The following AOAH variants were observed in gnomAD, a reference collection of about 807,000 sequenced individuals.
AOAH encodes acyloxyacyl hydrolase (neutrophil).
Under a neutral mutation model 92.2 loss-of-function variants are expected in AOAH, and 64 were observed. The observed-to-expected ratio is 0.69, with a 90% CI of 0.57 to 0.86. The LOEUF is 0.86. Among genes scored for constraint, AOAH ranks in the 40% least tolerant of loss-of-function variants. The pLI, the probability that AOAH is intolerant of heterozygous loss-of-function variation, is 0.00. For missense variants in AOAH, 656 were observed against 694.6 expected (o/e 0.94, Z 0.62); for synonymous variants, 263 against 254.5 (o/e 1.03, Z -0.32).
intron 6 of AOAH, among the ~76,000 whole-genome samples, chr7:36,628,281 T>C (rs1792819995): frequency 6.6e-6 from 1 of 152,166 alleles, no homozygotes; most frequent in South Asian, 2.1e-4. Context: ...AAAGAATAGA[T>C]TTTTAAAAAG....
intron 1 of AOAH, among the ~76,000 whole-genome samples, chr7:36,688,902 C>T (rs1797214473): frequency 6.6e-6 from 1 of 151,724 alleles, no homozygotes; most frequent in African/African-American, 2.4e-5. Context: ...TGTGTATATA[C>T]ACATGTATAT....
At chr7:36,542,335 T>C (rs766463925) in intron 15 of AOAH, among the ~76,000 whole-genome samples, 2 of 152,222 alleles carry the variant, frequency 1.3e-5, no homozygotes, top group African/African-American at 4.8e-5. Context: ...ACTTTAAGCA[T>C]CCAGAACTGA....
chr7:36,525,739 T>C (rs1784365930), intron 19 of AOAH, among the ~76,000 whole-genome samples: 1 of 152,208 alleles, frequency 6.6e-6, no homozygotes, highest in African/African-American at 2.4e-5. Context: ...ATAATGCATA[T>C]ATTCCAAAAT....
At chr7:36,653,683 A>T (rs1055462430) in intron 4 of AOAH, among the ~76,000 whole-genome samples, 1 of 152,246 alleles carries the variant, frequency 6.6e-6, no homozygotes, top group African/African-American at 2.4e-5. Context: ...CAGGGAAATA[A>T]GGAGAACCTC....
At chr7:36,689,925 C>T (rs1203790079) in intron 1 of AOAH, among the ~76,000 whole-genome samples, 3 of 152,158 alleles carry the variant, frequency 2.0e-5, no homozygotes, top group Non-Finnish European at 4.4e-5. Flanking sequence ...CCTTGGAATT[C>T]GTCCTTGAGG....
intron 1 of AOAH, among the ~76,000 whole-genome samples, chr7:36,696,773 T>C (rs1367614224): frequency 3.9e-5 from 6 of 151,944 alleles, no homozygotes; most frequent in Non-Finnish European, 8.8e-5. Flanking sequence ...GGCAGGAGAA[T>C]TGCTTGAGCC....
At position 36,514,746 on chromosome 7, in the gene AOAH, G is replaced by A. The variant is rs186682631; in HGVS notation, c.1600-1366C>T. The A allele has an allele frequency of 1.1e-5, 7 of 612,374 alleles. No individual in the cohort carries two copies. The East Asian group carries it at 1.7e-4, about 15-fold the overall frequency. The allele number at this position is 612,374 out of a possible 1,614,324, so 37.9% of individuals were successfully genotyped here. ...ATACATTGTTCGGGAAGGATGCTCAGGGATATCCCTGACTTTTCCCCACAG... is the reference window on the plus strand; with the variant it reads ...ATACATTGTTCGGGAAGGATGCTCAAGGATATCCCTGACTTTTCCCCACAG... On this transcript the variant is annotated intron_variant, in intron 20 of 20. Coordinates refer to ENST00000617537, the MANE Select transcript of AOAH (RefSeq NM_001637.4).
chr7:36,564,227 G>T (rs759008785), intron 13 of AOAH, among the ~76,000 whole-genome samples: 1 of 151,964 alleles, frequency 6.6e-6, no homozygotes, highest in African/African-American at 2.4e-5. Flanking sequence ...ATTTTAACTC[G>T]TATGTAAAGT....
intron 11 of AOAH, among the ~76,000 whole-genome samples, chr7:36,598,766 T>C (rs2718178): frequency 2.0e-5 from 3 of 152,202 alleles, no homozygotes; most frequent in African/African-American, 7.2e-5. Flanking sequence ...AAATGTTTTA[T>C]AGACCCTAGC....
intron 11 of AOAH, among the ~76,000 whole-genome samples, chr7:36,609,654 T>C (rs1399028317): frequency 1.3e-5 from 2 of 152,144 alleles, no homozygotes; most frequent in Non-Finnish European, 2.9e-5. Flanking sequence ...ACAGTGTCTC[T>C]CCCTTCAGGC....
intron 20 of AOAH, among the ~76,000 whole-genome samples, chr7:36,515,702 CA>C (rs1237979609): frequency 4.5e-5 from 5 of 110,446 alleles, no homozygotes; most frequent in Admixed American, 9.2e-5. Context: ...CATAATCACA[CA>C]CCCCCCCACA....
At chr7:36,608,194 C>T (rs1390535754) in intron 11 of AOAH, among the ~76,000 whole-genome samples, 1 of 152,232 alleles carries the variant, frequency 6.6e-6, no homozygotes, top group African/African-American at 2.4e-5. Flanking sequence ...TGGGCTCAGT[C>T]TCTGCAGACC....
intron 13 of AOAH, among the ~76,000 whole-genome samples, chr7:36,565,318 C>A (rs141005520): frequency 2.0e-5 from 3 of 152,028 alleles, no homozygotes; most frequent in African/African-American, 7.2e-5. Flanking sequence ...TGGGTTGAAA[C>A]CAAATACTCA....
At chr7:36,588,276 AC>A (rs1306324565) in intron 12 of AOAH, among the ~76,000 whole-genome samples, 1 of 152,216 alleles carries the variant, frequency 6.6e-6, no homozygotes, top group African/African-American at 2.4e-5. Flanking sequence ...TACCATCTGT[AC>A]CAATGGCTAC....
chr7:36,585,159 A>G (rs1002720257), intron 12 of AOAH, among the ~76,000 whole-genome samples: 1 of 151,946 alleles, frequency 6.6e-6, no homozygotes, highest in Non-Finnish European at 1.5e-5. Context: ...TAAAAAAGAA[A>G]TGTAGCTGAA....
rs140398969 is a variant in AOAH, at chr7:36,586,347, G to A, written c.938+7992C>T. Among the ~76,000 whole-genome samples, 178 of 152,198 alleles carry A rather than the reference G, an allele frequency of 1.2e-3. 2 individuals carry two copies. Among genetic ancestry groups the A allele is most frequent in the African/African-American group, 4.1e-3 (171 of 41,524 alleles). On this transcript the variant is annotated intron_variant, in intron 12 of 20. Transcript: ENST00000617537. ...AGCTTCGCCCCACTGAAATGTTTCT[G>A]CTCCAGGTCTCTCCAGGTCCCTGTC...
chr7:36,699,978 G>T (rs1797937328), intron 1 of AOAH, among the ~76,000 whole-genome samples: 1 of 152,072 alleles, frequency 6.6e-6, no homozygotes, highest in Non-Finnish European at 1.5e-5. Context: ...TTTGTGTATG[G>T]TAAGAGACAA....
intron 6 of AOAH, among the ~76,000 whole-genome samples, chr7:36,629,892 C>T (rs969381354): frequency 2.0e-5 from 3 of 152,200 alleles, no homozygotes; most frequent in Non-Finnish European, 4.4e-5. Flanking sequence ...CCCCTGGTAT[C>T]TGCGAATGTG....
intron 6 of AOAH, among the ~76,000 whole-genome samples, chr7:36,630,627 T>TG (rs1299858444): frequency 1.3e-5 from 2 of 152,140 alleles, no homozygotes; most frequent in Non-Finnish European, 2.9e-5. Flanking sequence ...CCACCAGGTT[T>TG]GGGGCCAAGG....
Sources: allele counts gnomAD v4.1 joint callset (sites outside exome capture counted in the v4.1 genomes callset), GRCh38; gene constraint gnomAD v4.1.1; transcripts MANE v1.5; gene names NCBI Gene and HGNC (gene_info 2026-07-23, HGNC 2026-07-21).